SKP2: variants seen among roughly 807,000 people sequenced by gnomAD.
SKP2 encodes the protein S-phase kinase-associated protein 2.
A neutral mutation model predicts 51.8 loss-of-function variants in SKP2; 16 were observed. That is an observed-to-expected ratio of 0.31 (90% CI 0.21 to 0.47). The LOEUF is 0.47. SKP2 is among the 20% of genes least tolerant of loss of function. SKP2 has a pLI of 1.00. For missense variants in SKP2, 377 were observed against 505.3 expected, an observed-to-expected ratio of 0.75 and a Z score of 2.43; for synonymous variants, 176 against 198.6, an observed-to-expected ratio of 0.89 and a Z score of 0.96.
chr5:36,182,079 G>T lies in SKP2; in HGVS notation c.*48G>T. On this transcript the variant is annotated 3_prime_UTR_variant, in exon 10 of 10. Coordinates refer to ENST00000274255, the MANE Select transcript of SKP2 (RefSeq NM_005983.4). ...CTCTTCTTTAGAACAGGGAAAATAG[G>T]CAGGAAGCCCAATTGCTGGAGTACT... 2 of 1,595,352 alleles carry T rather than the reference G, an allele frequency of 1.3e-6. No homozygotes were observed. The highest frequency in any genetic ancestry group is 1.1e-5 in the South Asian group (1 of 89,374).
At chr5:36,161,361 T>C (rs1745116638) in intron 2 of SKP2, among the ~76,000 whole-genome samples, 1 of 150,082 alleles carries the variant, frequency 6.7e-6, no homozygotes, top group Admixed American at 6.7e-5. Flanking sequence ...AGTAAGTAAA[T>C]AATGAAATTA....
intron 2 of SKP2, among the ~76,000 whole-genome samples, chr5:36,159,455 C>A (rs1214546596): frequency 6.6e-6 from 1 of 152,168 alleles, no homozygotes. Context: ...TCTGTTGGTG[C>A]CCTATCTATA....
In SKP2 at chr5:36,171,708, C is replaced by T. The variant is rs1255348005; in HGVS notation, c.876C>T (p.Gly292=). The change falls in exon 7 of 10, where the codon GGC becomes GGT. Residue 292 remains glycine (G), a synonymous_variant. Coordinates refer to ENST00000274255, the MANE Select transcript of SKP2 (RefSeq NM_005983.4). The part of the protein sequence containing the change: ...SETITQLNLS[G]YRKNLQKSDL... ...CCATCACCCAGCTGAATCTTAGCGG[C>T]TACAGAAAGAATCTCCAGAAATCAG... 1.2e-6 allele frequency: 2 copies of T among 1,613,940 alleles called. No homozygotes were observed. Among genetic ancestry groups the T allele is most frequent in the Non-Finnish European group, 1.7e-6 (2 of 1,179,850 alleles).
At chr5:36,185,756 G>A (rs577997422), downstream of SKP2, among the ~76,000 whole-genome samples, 1 of 152,240 alleles carries the variant, frequency 6.6e-6, no homozygotes, top group South Asian at 2.1e-4. Context: ...GGTTCCATAT[G>A]AACTTTAAAG....
downstream of SKP2, among the ~76,000 whole-genome samples, chr5:36,188,430 G>A (rs1745975968): frequency 3.3e-5 from 5 of 152,182 alleles, no homozygotes; most frequent in South Asian, 2.1e-4. Context: ...GCCTGGTGGC[G>A]AGAAAATCTC....
chr5:36,163,132 G>C (rs1028672660), intron 2 of SKP2, among the ~76,000 whole-genome samples: 4 of 152,158 alleles, frequency 2.6e-5, no homozygotes, highest in African/African-American at 7.2e-5. Flanking sequence ...AGCAGAAAGG[G>C]AAGAAGATTT....
chr5:36,166,903 G>A (rs1412977666), intron 4 of SKP2, among the ~76,000 whole-genome samples: 1 of 151,952 alleles, frequency 6.6e-6, no homozygotes, highest in Non-Finnish European at 1.5e-5. Context: ...GGTGAAAGAG[G>A]CACATTTGTC....
At chr5:36,155,628 T>A (rs974444501) in intron 2 of SKP2, among the ~76,000 whole-genome samples, 2 of 152,142 alleles carry the variant, frequency 1.3e-5, no homozygotes, top group Non-Finnish European at 2.9e-5. Flanking sequence ...TAGTATAAAA[T>A]TTTTTTTCTT....
chr5:36,190,277 GGAAATGCA>G (rs1253583368), intron 6 of SKP2, among the ~76,000 whole-genome samples: 2 of 152,110 alleles, frequency 1.3e-5, no homozygotes, highest in Non-Finnish European at 2.9e-5. Context: ...TACCCCAGTT[GGAAATGCA>G]GAAATCACCC....
chr5:36,176,012 C>A (rs1691163), intron 7 of SKP2, among the ~76,000 whole-genome samples: 1 of 151,318 alleles, frequency 6.6e-6, no homozygotes, highest in Non-Finnish European at 1.5e-5. Flanking sequence ...ATCCAAAAAA[C>A]GCAGGGTTCA....
chr5:36,186,373 G>T (rs1193224843), downstream of SKP2, among the ~76,000 whole-genome samples: 9 of 152,190 alleles, frequency 5.9e-5, no homozygotes, highest in Admixed American at 5.9e-4. Flanking sequence ...CATTCAGTAT[G>T]ATATTGGCTG....
intron 6 of SKP2, among the ~76,000 whole-genome samples, chr5:36,190,840 T>C (rs960325182): frequency 6.6e-6 from 1 of 152,040 alleles, no homozygotes; most frequent in Non-Finnish European, 1.5e-5. Context: ...ATATCATAAC[T>C]ATTTTGGTAT....
intron 2 of SKP2, among the ~76,000 whole-genome samples, chr5:36,156,913 A>G (rs1744968162): frequency 6.6e-6 from 1 of 150,988 alleles, no homozygotes; most frequent in Non-Finnish European, 1.5e-5. Flanking sequence ...TTAGGCAAGC[A>G]TTTTTTCCAA....
downstream of SKP2, among the ~76,000 whole-genome samples, chr5:36,188,456 C>T (rs1745976220): frequency 6.6e-6 from 1 of 152,228 alleles, no homozygotes; most frequent in Admixed American, 6.5e-5. Context: ...ATTTGCTTGT[C>T]TGTAAAGGAT....
chr5:36,190,600 G>T (rs900543453), intron 6 of SKP2, among the ~76,000 whole-genome samples: 1 of 148,016 alleles, frequency 6.8e-6, no homozygotes, highest in African/African-American at 2.6e-5. Context: ...ATGGTAGAAT[G>T]GTGATTCTTG....
Position 36,182,509 on chromosome 5 carries a change from G to C in SKP2, c.*478G>C. 8 of 985,930 alleles carry C rather than the reference G, an allele frequency of 8.1e-6. No individual in the cohort carries two copies. The highest frequency in any genetic ancestry group is 9.6e-6 in the Non-Finnish European group (8 of 830,256). The allele number at this position is 985,930 out of a possible 1,614,324, so 61.1% of individuals were successfully genotyped here. ...ACAAAAAGAGAATCATAGGATAGTA[G>C]CGTCTGAGGCCATCTTTTCTAGGAA... On this transcript the variant is annotated 3_prime_UTR_variant, in exon 10 of 10. Transcript: ENST00000274255.
chr5:36,178,996 T>C (rs935705665), intron 9 of SKP2, among the ~76,000 whole-genome samples: 1 of 152,182 alleles, frequency 6.6e-6, no homozygotes, highest in African/African-American at 2.4e-5. Flanking sequence ...CACAGACCTG[T>C]TGTGAACCTT....
intron 7 of SKP2, among the ~76,000 whole-genome samples, chr5:36,175,203 G>A (rs921100237): frequency 2.0e-5 from 3 of 152,086 alleles, no homozygotes; most frequent in Admixed American, 1.3e-4. Context: ...AACGTGGGAT[G>A]TGAGAAAAAT....
At chr5:36,177,589 G>A (rs1249441037) in intron 9 of SKP2, among the ~76,000 whole-genome samples, 1 of 151,298 alleles carries the variant, frequency 6.6e-6, no homozygotes, top group Non-Finnish European at 1.5e-5. Context: ...TTTCCTCCAG[G>A]AAACTTGAAG....
Sources: gnomAD v4.1 joint callset for allele counts (sites outside exome capture counted in the v4.1 genomes callset) on GRCh38, gnomAD v4.1.1 for gene constraint, MANE v1.5 for transcripts, NCBI Gene and HGNC (gene_info 2026-07-23, HGNC 2026-07-21) for gene names.